Variants in SLC2A13 observed in about 807,000 individuals in gnomAD.
SLC2A13 encodes the protein proton myo-inositol cotransporter.
In SLC2A13, 32 loss-of-function variants were observed where a neutral mutation model predicts 64.4. That is an observed-to-expected ratio of 0.50 (90% CI 0.37 to 0.67). The LOEUF (loss-of-function observed/expected upper bound fraction) is 0.67. Ranked by LOEUF, SLC2A13 falls within the 30% of genes least tolerant of loss-of-function variation. SLC2A13 has a pLI of 0.00. For missense variants in SLC2A13, 743 were observed against 829.2 expected, an observed-to-expected ratio of 0.90 and a Z score of 1.28; for synonymous variants, 338 against 327.1, an observed-to-expected ratio of 1.03 and a Z score of -0.36.
At chr12:39,951,404 AT>A in intron 3 of SLC2A13, 39 bp from the exon 4 acceptor site, 1 of 1,500,422 alleles carries the variant, frequency 6.7e-7, no homozygotes, top group East Asian at 2.3e-5. Context: ...TACAACTATT[AT>A]TTTTAGCTCT....
At chr12:39,761,836 C>A (rs918603799) in intron 9 of SLC2A13, among the ~76,000 whole-genome samples, 1 of 152,012 alleles carries the variant, frequency 6.6e-6, no homozygotes, top group Non-Finnish European at 1.5e-5. Flanking sequence ...TAACAGCAAA[C>A]CCAGTTTGAC....
At chr12:39,795,135 C>T (rs1307751202) in intron 7 of SLC2A13, among the ~76,000 whole-genome samples, 5 of 152,054 alleles carry the variant, frequency 3.3e-5, no homozygotes, top group Admixed American at 6.6e-5. Flanking sequence ...CTAGAACTAT[C>T]ATTTGGAGTA....
intron 6 of SLC2A13, among the ~76,000 whole-genome samples, chr12:39,854,833 G>A (rs1472126172): frequency 2.0e-5 from 3 of 152,018 alleles, no homozygotes; most frequent in African/African-American, 4.8e-5. Context: ...TCTGTTTTCC[G>A]CTTTTGCACA....
At chr12:39,820,083 C>A (rs1469165378) in intron 7 of SLC2A13, among the ~76,000 whole-genome samples, 1 of 151,984 alleles carries the variant, frequency 6.6e-6, no homozygotes, top group African/African-American at 2.4e-5. Flanking sequence ...AGCTCTAAAT[C>A]CAATCTTTCC....
chr12:40,053,580 G>C (rs978767409), intron 1 of SLC2A13, among the ~76,000 whole-genome samples: 2 of 152,136 alleles, frequency 1.3e-5, no homozygotes, highest in African/African-American at 4.8e-5. Context: ...AGGGGCAAAA[G>C]AGTCTTCTCT....
At chr12:39,948,159 A>G (rs988142579) in intron 4 of SLC2A13, among the ~76,000 whole-genome samples, 2 of 152,158 alleles carry the variant, frequency 1.3e-5, no homozygotes, top group Non-Finnish European at 2.9e-5. Flanking sequence ...ATTCAGTTGC[A>G]TGTTGAAATT....
chr12:39,929,638 C>T (rs1945789830), intron 4 of SLC2A13, among the ~76,000 whole-genome samples: 1 of 152,014 alleles, frequency 6.6e-6, no homozygotes. Flanking sequence ...AGCTGTCCCT[C>T]AGGGGGCAAC....
chr12:39,951,732 T>C (rs553689179), intron 3 of SLC2A13, among the ~76,000 whole-genome samples: 1 of 152,318 alleles, frequency 6.6e-6, no homozygotes, highest in South Asian at 2.1e-4. Flanking sequence ...TTAAGTATTA[T>C]TTAAAATCCA....
At chr12:39,984,494 C>A (rs1043740121) in intron 3 of SLC2A13, among the ~76,000 whole-genome samples, 1 of 151,796 alleles carries the variant, frequency 6.6e-6, no homozygotes, top group African/African-American at 2.4e-5. Flanking sequence ...ATTCCTGGTA[C>A]CAAAACTAGA....
At chr12:39,994,712 A>C (rs938994712) in intron 3 of SLC2A13, among the ~76,000 whole-genome samples, 2 of 152,210 alleles carry the variant, frequency 1.3e-5, no homozygotes, top group African/African-American at 2.4e-5. Context: ...GAAATATGGG[A>C]TCCATGAATT....
At position 40,028,556 on chromosome 12, in the gene SLC2A13, A is replaced by G. The variant is rs1003775078; in HGVS notation, c.717-47T>C. On this transcript the variant is annotated intron_variant, in intron 2 of 9. Transcript: ENST00000280871. ...ATTTACTGTAAAATTTGCTCTTACCATCATGTGCTCACCACATACTTTTGT... is the reference window on the plus strand; with the variant it reads ...ATTTACTGTAAAATTTGCTCTTACCGTCATGTGCTCACCACATACTTTTGT... 4 of 1,583,774 alleles carry G rather than the reference A, an allele frequency of 2.5e-6. No individual in the cohort carries two copies. The African/African-American group carries it at 5.4e-5, about 21-fold the overall frequency.
intron 4 of SLC2A13, among the ~76,000 whole-genome samples, chr12:39,902,385 T>C (rs1945149615): frequency 6.6e-6 from 1 of 151,958 alleles, no homozygotes; most frequent in Non-Finnish European, 1.5e-5. Context: ...AAAAGATATG[T>C]ACATACACAT....
chr12:39,914,814 T>C, intron 4 of SLC2A13, among the ~76,000 whole-genome samples: 1 of 151,918 alleles, frequency 6.6e-6, no homozygotes, highest in East Asian at 1.9e-4. Context: ...AAAAATTTAA[T>C]ACCTGAATAT....
At chr12:39,894,153 A>C (rs1944682026) in intron 4 of SLC2A13, among the ~76,000 whole-genome samples, 1 of 152,220 alleles carries the variant, frequency 6.6e-6, no homozygotes, top group Admixed American at 6.5e-5. Flanking sequence ...GGGCTTTGCA[A>C]AAAGTAACAG....
chr12:39,906,927 A>G lies in SLC2A13; in HGVS notation c.1035-34966T>C, dbSNP rs550477192. The stretch of plus-strand genomic sequence containing the variant: ...TGCAAGGTCCATTAGGAAGCAAAAT[A>G]TATTTTTATTTGATTCTTTTTATAA... On this transcript the variant is annotated intron_variant, in intron 4 of 9. Transcript: ENST00000280871. Among the ~76,000 whole-genome samples, 7 of 152,290 alleles carry G rather than the reference A, an allele frequency of 4.6e-5. No homozygotes were observed. The South Asian group carries it at 1.4e-3, about 32-fold the overall frequency.
chr12:39,891,388 G>A (rs1400159521), intron 4 of SLC2A13, among the ~76,000 whole-genome samples: 1 of 151,802 alleles, frequency 6.6e-6, no homozygotes, highest in Non-Finnish European at 1.5e-5. Flanking sequence ...CTTTCACAGA[G>A]GAGAAAACAT....
chr12:40,020,962 C>T (rs1947704807), intron 3 of SLC2A13, among the ~76,000 whole-genome samples: 2 of 150,648 alleles, frequency 1.3e-5, no homozygotes, highest in African/African-American at 4.9e-5. Context: ...AAATACAGAG[C>T]AGTAAAATAT....
intron 4 of SLC2A13, among the ~76,000 whole-genome samples, chr12:39,914,661 A>G (rs1393016970): frequency 6.6e-6 from 1 of 151,840 alleles, no homozygotes; most frequent in Non-Finnish European, 1.5e-5. Context: ...TTTTGCACCA[A>G]CCTAATATAT....
intron 1 of SLC2A13, among the ~76,000 whole-genome samples, chr12:40,065,750 A>G (rs148101720): frequency 6.6e-6 from 1 of 152,210 alleles, no homozygotes; most frequent in Non-Finnish European, 1.5e-5. Flanking sequence ...ACAAAACATA[A>G]CCACAATGGA....
Sources: gnomAD v4.1 joint callset for allele counts (sites outside exome capture counted in the v4.1 genomes callset) on GRCh38, gnomAD v4.1.1 for gene constraint, MANE v1.5 for transcripts, NCBI Gene and HGNC (gene_info 2026-07-23, HGNC 2026-07-21) for gene names.